Variants in MAD1L1 observed in about 807,000 individuals in gnomAD.
MAD1L1 encodes the protein mitotic spindle assembly checkpoint protein MAD1.
In MAD1L1, 95 loss-of-function variants were observed where a neutral mutation model predicts 96.9. The observed-to-expected ratio is 0.98, with a 90% CI of 0.83 to 1.16. MAD1L1 has a LOEUF of 1.16. Ranked by LOEUF, MAD1L1 falls within the 50% of genes most tolerant of loss-of-function variation. MAD1L1 has a pLI of 0.00. For synonymous variants in MAD1L1, 473 were observed against 396.6 expected (o/e 1.19, Z -2.29); for missense variants, 1,007 against 954.4 (o/e 1.06, Z -0.73).
intron 12 of MAD1L1, among the ~76,000 whole-genome samples, chr7:2,065,978 A>G (rs1345838306): frequency 1.3e-5 from 2 of 152,260 alleles, no homozygotes; most frequent in Non-Finnish European, 2.9e-5. Flanking sequence ...AAACAGGAAA[A>G]TGGTTTGTGT....
At chr7:2,043,211 C>T (rs532652870) in intron 12 of MAD1L1, among the ~76,000 whole-genome samples, 1 of 152,330 alleles carries the variant, frequency 6.6e-6, no homozygotes, top group African/African-American at 2.4e-5. Flanking sequence ...CTGCCACTGA[C>T]TTTCGAATGT....
At position 1,946,955 on chromosome 7, in the gene MAD1L1, G is replaced by A. The variant is rs369427991; in HGVS notation, c.1597-10058C>T. ...CTACAGCCCAAGTCCTGGAGGAGGA[G>A]GCTGGGTGGGGGCTGGCGTTGGCTC... On this transcript the variant is annotated intron_variant, in intron 16 of 18. Coordinates refer to ENST00000265854, the MANE Select transcript of MAD1L1 (RefSeq NM_001013836.2). Among the ~76,000 whole-genome samples, 26 of 152,386 alleles carry A rather than the reference G, an allele frequency of 1.7e-4. No individual in the cohort carries two copies. In the East Asian group the frequency reaches 3.1e-3, roughly 18 times the overall value.
At chr7:2,076,048 T>C (rs1785357290) in intron 11 of MAD1L1, among the ~76,000 whole-genome samples, 1 of 152,126 alleles carries the variant, frequency 6.6e-6, no homozygotes, top group Non-Finnish European at 1.5e-5. Context: ...GGCGAAGCAG[T>C]TGTGTGCTCC....
chr7:2,109,446 A>C (rs1463389216), intron 11 of MAD1L1: 2 of 152,158 alleles, frequency 1.3e-5, no homozygotes, highest in Non-Finnish European at 2.9e-5. Context: ...GGCCCCAAGG[A>C]CTCTGTCATT....
chr7:2,089,052 G>A lies in MAD1L1; in HGVS notation c.1074-19714C>T, dbSNP rs182187475. ...CCAAGTTCAGGTCAAAGCAGGCAGG[G>A]ATGGGTGTGCTTTGACAGGGAGAGC... On this transcript the variant is annotated intron_variant, in intron 11 of 18. Transcript: ENST00000265854. 12 of 152,438 alleles carry A rather than the reference G, an allele frequency of 7.9e-5. No homozygotes were observed. In the East Asian group the frequency reaches 2.3e-3, roughly 29 times the overall value. The allele number at this position is 152,438 out of a possible 1,614,324, so 9.4% of individuals were successfully genotyped here.
chr7:2,030,468 A>G (rs925499867), intron 12 of MAD1L1, among the ~76,000 whole-genome samples: 3 of 152,340 alleles, frequency 2.0e-5, no homozygotes, highest in Non-Finnish European at 4.4e-5. Context: ...TTCTTTCATG[A>G]ACAGATAAGG....
intron 9 of MAD1L1, among the ~76,000 whole-genome samples, chr7:2,213,500 G>A (rs184587160): frequency 1.8e-4 from 28 of 152,270 alleles, no homozygotes; most frequent in Admixed American, 1.6e-3. Context: ...TCCTGGCCCC[G>A]TAAATTCAAG....
At chr7:1,841,933 C>T (rs1490415608) in intron 18 of MAD1L1, among the ~76,000 whole-genome samples, 1 of 152,180 alleles carries the variant, frequency 6.6e-6, no homozygotes, top group Non-Finnish European at 1.5e-5. Flanking sequence ...GGCACAATCA[C>T]GCCGTCACCA....
chr7:2,057,262 A>G (rs1379813808), intron 12 of MAD1L1, among the ~76,000 whole-genome samples: 2 of 152,228 alleles, frequency 1.3e-5, no homozygotes, highest in African/African-American at 4.8e-5. Flanking sequence ...GCGGTGCCTC[A>G]TGCCTGTAAT....
intron 17 of MAD1L1, among the ~76,000 whole-genome samples, chr7:1,906,504 C>A (rs1466763211): frequency 6.6e-6 from 1 of 152,246 alleles, no homozygotes; most frequent in Non-Finnish European, 1.5e-5. Flanking sequence ...CTGCACCCTG[C>A]TTCTCCATCG....
chr7:2,222,682 C>T lies in MAD1L1; in HGVS notation c.364G>A (p.Glu122Lys). The T allele has an allele frequency of 6.2e-7, 1 of 1,612,766 alleles. No individual in the cohort carries two copies. The highest frequency in any genetic ancestry group is 8.5e-7 in the Non-Finnish European group (1 of 1,179,906). ...CGCTCCAGCTGCTCCTGCATCTTCT[C>T]CTCCGCCCCGGCCTCCCGCTCCTGA... ...QLQEREAGAEEKMQEQLERNR... is the reference protein window; with the variant it reads ...QLQEREAGAEKKMQEQLERNR... Residue 122 changes from glutamate to lysine, a missense_variant, in exon 5 of 19, where the codon GAG (glutamate) becomes AAG (lysine). By Grantham distance (56) the Glu-to-Lys change is moderately conservative (BLOSUM62 1). Coordinates refer to ENST00000265854, the MANE Select transcript of MAD1L1 (RefSeq NM_001013836.2).
intron 17 of MAD1L1, among the ~76,000 whole-genome samples, chr7:1,920,251 CGTGT>C (rs1044041861): frequency 3.9e-5 from 6 of 152,114 alleles, no homozygotes; most frequent in African/African-American, 7.3e-5. Context: ...TGCGTGCGTG[CGTGT>C]GCATGTGCGT....
chr7:1,954,559 C>T (rs1403711134), intron 16 of MAD1L1, among the ~76,000 whole-genome samples: 2 of 152,150 alleles, frequency 1.3e-5, no homozygotes, highest in East Asian at 1.9e-4. Context: ...GGGACTGTGC[C>T]GCCCACCTGA....
intron 14 of MAD1L1, among the ~76,000 whole-genome samples, chr7:1,981,360 G>A (rs12668848): frequency 0.4 from 60,472 of 151,976 alleles, 12,589 homozygotes; most frequent in East Asian, 0.56. Flanking sequence ...AACGGACTGC[G>A]GGCTCAAGGA....
At chr7:2,158,347 G>A (rs1260075607) in intron 10 of MAD1L1, among the ~76,000 whole-genome samples, 3 of 152,188 alleles carry the variant, frequency 2.0e-5, no homozygotes, top group Non-Finnish European at 4.4e-5. Flanking sequence ...AAAAACTGGA[G>A]ACCCAGAGGA....
At chr7:2,144,140 G>T (rs886460210) in intron 11 of MAD1L1, among the ~76,000 whole-genome samples, 6 of 152,210 alleles carry the variant, frequency 3.9e-5, no homozygotes, top group African/African-American at 9.6e-5. Context: ...CGCACGTCCT[G>T]CTTTCACCAC....
chr7:1,960,913 A>C (rs1470266447), intron 15 of MAD1L1, among the ~76,000 whole-genome samples: 1 of 152,232 alleles, frequency 6.6e-6, no homozygotes, highest in East Asian at 1.9e-4. Context: ...CAGTCTATTT[A>C]GGAATTTCAT....
At chr7:2,216,055 A>G in intron 8 of MAD1L1, 56 bp from the exon 9 acceptor site, 2 of 1,611,318 alleles carry the variant, frequency 1.2e-6, no homozygotes, top group South Asian at 1.1e-5. Flanking sequence ...GATAAGGCCA[A>G]GAGCCCGGGA....
chr7:2,121,015 G>A (rs1328625203), intron 11 of MAD1L1, among the ~76,000 whole-genome samples: 4 of 152,204 alleles, frequency 2.6e-5, no homozygotes, highest in African/African-American at 9.6e-5. Context: ...ACTCGAGGGA[G>A]ATGGGCCCAA....
Sources: gnomAD v4.1 joint callset for allele counts (sites outside exome capture counted in the v4.1 genomes callset) on GRCh38, gnomAD v4.1.1 for gene constraint, MANE v1.5 for transcripts, NCBI Gene and HGNC (gene_info 2026-07-23, HGNC 2026-07-21) for gene names.